Variants in AGAP1 observed in about 807,000 individuals in gnomAD.
AGAP1 encodes the protein ArfGAP with GTPase domain, ankyrin repeat and PH domain 1.
A neutral mutation model predicts 105.3 loss-of-function variants in AGAP1; 29 were observed. The ratio of observed to expected loss-of-function variants is 0.28; its 90% CI spans 0.21 to 0.38. The LOEUF is 0.38. AGAP1 is among the 10% of genes least tolerant of loss of function. AGAP1 has a pLI of 1.00. For missense variants in AGAP1, 998 were observed against 1,165.1 expected (o/e 0.86, Z 2.09); for synonymous variants, 509 against 485.9 (o/e 1.05, Z -0.63).
chr2:235,671,255 C>T (rs1160421264), intron 1 of AGAP1, among the ~76,000 whole-genome samples: 22 of 152,216 alleles, frequency 1.4e-4, no homozygotes, highest in Admixed American at 1.4e-3. Context: ...CCTGGCTGTG[C>T]GTGCTGGTGC....
rs769030737 is a variant in AGAP1, at chr2:236,113,929, G to A, written c.2115-6263G>A. Among the ~76,000 whole-genome samples, 15 of 152,086 alleles carry A rather than the reference G, an allele frequency of 9.9e-5. No homozygotes were observed. The highest frequency in any genetic ancestry group is 2.4e-4 in the African/African-American group (10 of 41,392). ...AGAAGCAAATATAAAATACGATGGC[G>A]CCTGAAATGTACCTTTTCTTTTTAT... On this transcript the variant is annotated intron_variant, in intron 16 of 17. Coordinates refer to ENST00000304032, the MANE Select transcript of AGAP1 (RefSeq NM_001037131.3). This position sits in a 1 kb window ranked among gnomAD's most constrained non-coding sequence, Gnocchi z 4.3.
intron 1 of AGAP1, among the ~76,000 whole-genome samples, chr2:235,571,671 A>G (rs576566018): frequency 6.6e-6 from 1 of 152,252 alleles, no homozygotes; most frequent in Non-Finnish European, 1.5e-5. Flanking sequence ...TTCATATTAA[A>G]GGCAACTCAC....
In AGAP1 at chr2:235,691,399, G is replaced by T. The variant is rs567897738; in HGVS notation, c.164-17780G>T. Reference sequence around the variant, plus strand: ...CTTTTGGAGACAGGAATTGTTACACGTCTCCGTTGCGAGAAGCAAAAGTAG... The same window carrying T: ...CTTTTGGAGACAGGAATTGTTACACTTCTCCGTTGCGAGAAGCAAAAGTAG... On this transcript the variant is annotated intron_variant, in intron 1 of 17. Transcript: ENST00000304032. The surrounding 1 kb of genome is among the most constrained non-coding windows in gnomAD (Gnocchi z 4.4). Among the ~76,000 whole-genome samples, 1 of 152,328 alleles carries T rather than the reference G, an allele frequency of 6.6e-6. No homozygotes were observed. Among genetic ancestry groups the T allele is most frequent in the Non-Finnish European group, 1.5e-5 (1 of 68,036 alleles).
At chr2:235,852,687 G>T in intron 9 of AGAP1, 2 of 1,486,758 alleles carry the variant, frequency 1.3e-6, no homozygotes, top group Non-Finnish European at 1.8e-6. Context: ...TCTCCCCAGG[G>T]CCTGCCCTTC....
chr2:236,019,801 G>C (rs1009238463), intron 13 of AGAP1, among the ~76,000 whole-genome samples: 1 of 152,254 alleles, frequency 6.6e-6, no homozygotes, highest in African/African-American at 2.4e-5. Flanking sequence ...AGCCCTGCCT[G>C]ACAATCTGTG....
At chr2:235,848,816 T>C (rs1961821087) in intron 9 of AGAP1, among the ~76,000 whole-genome samples, 1 of 152,206 alleles carries the variant, frequency 6.6e-6, no homozygotes, top group African/African-American at 2.4e-5. Flanking sequence ...GGAGTTTCTC[T>C]CATTTGGGCT....
chr2:235,839,566 C>T (rs867548482), intron 9 of AGAP1, among the ~76,000 whole-genome samples: 6 of 152,146 alleles, frequency 3.9e-5, no homozygotes, highest in Non-Finnish European at 8.8e-5. Flanking sequence ...CCAGCCTGGG[C>T]GACAGAGCAA....
chr2:235,798,930 A>C (rs1957367132), intron 7 of AGAP1, among the ~76,000 whole-genome samples: 1 of 151,948 alleles, frequency 6.6e-6, no homozygotes, highest in Non-Finnish European at 1.5e-5. Context: ...TTTTCTGTGA[A>C]TCTTGAAATA....
In AGAP1 at chr2:236,119,129, G is replaced by A. The variant is rs1385381851; in HGVS notation, c.2115-1063G>A. Among the ~76,000 whole-genome samples the A allele has an allele frequency of 2.0e-5, 3 of 151,982 alleles. No homozygotes were observed. The highest frequency in any genetic ancestry group is 4.2e-4 in the South Asian group (2 of 4,812). ...GACCATGTATTACACTGGCCAGGTCGGGCAGCCCCATCTCAGCCAGGTTGT... is the reference window on the plus strand; with the variant it reads ...GACCATGTATTACACTGGCCAGGTCAGGCAGCCCCATCTCAGCCAGGTTGT... On this transcript the variant is annotated intron_variant, in intron 16 of 17. Transcript: ENST00000304032. The surrounding 1 kb of genome is among the most constrained non-coding windows in gnomAD (Gnocchi z 6.6).
intron 1 of AGAP1, among the ~76,000 whole-genome samples, chr2:235,526,146 A>G (rs1574766536): frequency 7.9e-6 from 1 of 126,574 alleles, no homozygotes; most frequent in Non-Finnish European, 1.7e-5. Context: ...TTTATAAAGT[A>G]GAGGACTGAT....
chr2:235,971,249 G>GTCTATATT lies in AGAP1; in HGVS notation c.1645+2629_1645+2636dup, dbSNP rs1435125377. Among the ~76,000 whole-genome samples the GTCTATATT allele has an allele frequency of 7.2e-5, 11 of 152,100 alleles. No individual in the cohort carries two copies. Among genetic ancestry groups the GTCTATATT allele is most frequent in the African/African-American group, 1.7e-4 (7 of 41,432 alleles). On this transcript the variant is annotated intron_variant, in intron 13 of 17. Transcript: ENST00000304032. This position sits in a 1 kb window ranked among gnomAD's most constrained non-coding sequence, Gnocchi z 4.8. ...ACAAATGAGTCACTTTTGTGAAAAA[G>GTCTATATT]TCTATATTTCATTTTTTCAAAGCCA...
At chr2:235,785,183 A>C (rs2149967053) in intron 6 of AGAP1, among the ~76,000 whole-genome samples, 1 of 152,312 alleles carries the variant, frequency 6.6e-6, no homozygotes, top group East Asian at 1.9e-4. Context: ...TTATTTCTGG[A>C]AATAGGAAAA....
intron 16 of AGAP1, among the ~76,000 whole-genome samples, chr2:236,108,208 C>T (rs954602805): frequency 2.0e-5 from 3 of 152,242 alleles, no homozygotes; most frequent in Admixed American, 6.5e-5. Context: ...AGCGCCCGCT[C>T]GCAGTGGGCC....
At chr2:236,018,857 C>T (rs1388366689) in intron 13 of AGAP1, among the ~76,000 whole-genome samples, 2 of 152,240 alleles carry the variant, frequency 1.3e-5, no homozygotes, top group East Asian at 1.9e-4. Flanking sequence ...TTCCGTTCAC[C>T]ACAGTGGGCC....
rs2059426456 is a variant in AGAP1 at position 236,104,130 on chromosome 2, C to T, written c.2115-16062C>T. On this transcript the variant is annotated intron_variant, in intron 16 of 17. Transcript: ENST00000304032. This position sits in a 1 kb window ranked among gnomAD's most constrained non-coding sequence, Gnocchi z 4.7. ...GGGGGCCTTGGGCAGTGGGTCTGCCCCAGGAGCCCCGCAAGGCGGGAGGCC... is the reference window on the plus strand; with the variant it reads ...GGGGGCCTTGGGCAGTGGGTCTGCCTCAGGAGCCCCGCAAGGCGGGAGGCC... 6.6e-6 allele frequency among the ~76,000 whole-genome samples: 1 copy of T among 152,070 alleles called. No individual in the cohort carries two copies. Among genetic ancestry groups the T allele is most frequent in the Admixed American group, 6.5e-5 (1 of 15,280 alleles).
intron 16 of AGAP1, among the ~76,000 whole-genome samples, chr2:236,098,620 CTTTTTTT>C (rs34419216): frequency 8.7e-6 from 1 of 115,256 alleles, no homozygotes; most frequent in Non-Finnish European, 1.7e-5. Flanking sequence ...TCTTTTTTTC[CTTTTTTT>C]TTTTTTTTTT....
At chr2:235,593,035 G>GA (rs1446260002) in intron 1 of AGAP1, among the ~76,000 whole-genome samples, 1 of 152,208 alleles carries the variant, frequency 6.6e-6, no homozygotes, top group African/African-American at 2.4e-5. Flanking sequence ...CTGACCTGCT[G>GA]AAGGCCCCTG....
chr2:235,920,535 T>C (rs912033624), intron 11 of AGAP1, among the ~76,000 whole-genome samples: 5 of 152,206 alleles, frequency 3.3e-5, no homozygotes, highest in African/African-American at 1.2e-4. Flanking sequence ...TTTGGGATGC[T>C]GGAAGATGGG....
intron 16 of AGAP1, among the ~76,000 whole-genome samples, chr2:236,054,535 G>A (rs1292561820): frequency 6.7e-6 from 1 of 149,626 alleles, no homozygotes; most frequent in Admixed American, 6.7e-5. Context: ...ATAAAAAAAG[G>A]ACTTTGCCGC....
Sources: gnomAD v4.1 joint callset for allele counts (sites outside exome capture counted in the v4.1 genomes callset) on GRCh38, gnomAD v4.1.1 for gene constraint, Gnocchi (gnomAD v3.1) non-coding constraint, MANE v1.5 for transcripts, NCBI Gene and HGNC (gene_info 2026-07-23, HGNC 2026-07-21) for gene names.